TOM1: variants seen among roughly 807,000 people sequenced by gnomAD.
TOM1 encodes target of Myb protein 1.
In TOM1, 38 loss-of-function variants were observed where a neutral mutation model predicts 61.3. The ratio of observed to expected loss-of-function variants is 0.62; its 90% CI spans 0.48 to 0.81. The LOEUF (loss-of-function observed/expected upper bound fraction) is 0.81, where lower values mean the gene tolerates loss of function less well. Among genes scored for constraint, TOM1 ranks in the 40% least tolerant of loss-of-function variants. TOM1 has a pLI of 0.00. For missense variants in TOM1, 591 were observed against 659.6 expected (o/e 0.90, Z 1.14); for synonymous variants, 270 against 268.8 (o/e 1.00, Z -0.04).
chr22:35,323,489 C>T lies in TOM1; in HGVS notation c.367-7C>T, dbSNP rs377489139. ...GTTACCGGCTGTGTCCCCTTGTCCCCTCTCAGTCCTGGGCTGACGCGTTCC... is the reference window on the plus strand; with the variant it reads ...GTTACCGGCTGTGTCCCCTTGTCCCTTCTCAGTCCTGGGCTGACGCGTTCC... On this transcript the variant is annotated splice_polypyrimidine_tract_variant and splice_region_variant and intron_variant, in intron 4 of 14. Coordinates refer to ENST00000449058, the MANE Select transcript of TOM1 (RefSeq NM_005488.3). The surrounding 1 kb of genome is among the most constrained non-coding windows in gnomAD (Gnocchi z 4.2). The T allele has an allele frequency of 9.3e-6, 15 of 1,613,842 alleles. No homozygotes were observed. Among genetic ancestry groups the T allele is most frequent in the African/African-American group, 1.3e-5 (1 of 74,914 alleles).
At chr22:35,305,841 A>C (rs988197027) in intron 1 of TOM1, among the ~76,000 whole-genome samples, 2 of 152,078 alleles carry the variant, frequency 1.3e-5, no homozygotes, top group Non-Finnish European at 2.9e-5. Context: ...CCACCACTGG[A>C]GCTGTGAAGG....
At chr22:35,327,225 C>A (rs1377956567) in intron 6 of TOM1, 46 bp from the exon 7 acceptor site, 2 of 1,568,746 alleles carry the variant, frequency 1.3e-6, no homozygotes, top group Non-Finnish European at 1.8e-6. Context: ...GTAACATGGG[C>A]CCCAGAACCC....
rs1281969818 is a variant in TOM1, at chr22:35,323,682, C to T, written c.501+52C>T. 1 of 1,611,314 alleles carries T rather than the reference C, an allele frequency of 6.2e-7. No homozygotes were observed. The stretch of plus-strand genomic sequence containing the variant: ...AAGGGAAGGGAGGCAGGACTCATCC[C>T]CAGAGACATCACCAGGCTGGCCCCT... On this transcript the variant is annotated intron_variant, in intron 5 of 14. Transcript: ENST00000449058. The surrounding 1 kb of genome is among the most constrained non-coding windows in gnomAD (Gnocchi z 4.2).
chr22:35,327,022 T>C (rs1312683084), intron 6 of TOM1, among the ~76,000 whole-genome samples: 2 of 152,140 alleles, frequency 1.3e-5, no homozygotes, highest in African/African-American at 2.4e-5. Flanking sequence ...CCACACGTGG[T>C]GGCTCATTCC....
intron 1 of TOM1, among the ~76,000 whole-genome samples, chr22:35,309,736 G>A (rs1185908069): frequency 1.3e-5 from 2 of 151,932 alleles, no homozygotes; most frequent in African/African-American, 2.4e-5. Flanking sequence ...AATTCGTTCA[G>A]TAGTGGCTTC....
At chr22:35,340,513 G>A (rs996899715) in intron 12 of TOM1, among the ~76,000 whole-genome samples, 3 of 151,916 alleles carry the variant, frequency 2.0e-5, no homozygotes, top group Non-Finnish European at 2.9e-5. Flanking sequence ...TTAGGAGGCC[G>A]AGGTGGGCAG....
chr22:35,322,729 T>C (rs1927910278), intron 3 of TOM1: 1 of 362,374 alleles, frequency 2.8e-6, no homozygotes, highest in Non-Finnish European at 5.0e-6. Context: ...GCCCCTTCTC[T>C]CTAGACCATG....
chr22:35,301,601 A>G (rs1339315163), intron 1 of TOM1, among the ~76,000 whole-genome samples: 1 of 152,162 alleles, frequency 6.6e-6, no homozygotes. Context: ...TTAAGATGAG[A>G]CATATTTTCC....
In TOM1 at chr22:35,341,459, G is replaced by C. The variant is rs139327284; in HGVS notation, c.1224+2671G>C. Among the ~76,000 whole-genome samples the C allele has an allele frequency of 2.4e-4, 36 of 152,306 alleles. No homozygotes were observed. In the East Asian group the frequency reaches 7.0e-3, roughly 29 times the overall value. ...GCTGTGAAAAGCCCTAAGGTGCAAA[G>C]GAGAGTGAGTGGAGGTGTGTGTCTC... is the stretch of plus-strand genomic sequence containing the variant. On this transcript the variant is annotated intron_variant, in intron 12 of 14. Transcript: ENST00000449058.
intron 11 of TOM1, among the ~76,000 whole-genome samples, chr22:35,337,929 G>A (rs755396669): frequency 1.5e-4 from 23 of 152,328 alleles, no homozygotes; most frequent in Non-Finnish European, 2.6e-4. Context: ...CCCCCACTGC[G>A]GCAGCTGGGA....
In TOM1 at chr22:35,324,489, A is replaced by C. The variant is rs1372232517; in HGVS notation, c.648+575A>C. On this transcript the variant is annotated intron_variant, in intron 6 of 14. Coordinates refer to ENST00000449058, the MANE Select transcript of TOM1 (RefSeq NM_005488.3). ...GAAAAGTTTTCAAACATCTGTGCAAAAAATAAAAAACATATGTACATTGTA... is the reference window on the plus strand; with the variant it reads ...GAAAAGTTTTCAAACATCTGTGCAACAAATAAAAAACATATGTACATTGTA... 8.5e-5 allele frequency among the ~76,000 whole-genome samples: 13 copies of C among 152,148 alleles called. No individual in the cohort carries two copies. The East Asian group carries it at 2.3e-3, about 27-fold the overall frequency.
At chr22:35,324,485 GC>G (rs1928142566) in intron 6 of TOM1, among the ~76,000 whole-genome samples, 1 of 150,956 alleles carries the variant, frequency 6.6e-6, no homozygotes, top group South Asian at 2.1e-4. Flanking sequence ...AAACATCTGT[GC>G]AAAAAATAAA....
intron 12 of TOM1, among the ~76,000 whole-genome samples, chr22:35,341,600 C>T (rs1362186380): frequency 2.0e-5 from 3 of 152,290 alleles, no homozygotes; most frequent in South Asian, 2.1e-4. Context: ...GAGGTTGACT[C>T]CACCACCCAG....
In TOM1 at chr22:35,330,403, G is replaced by T; in HGVS notation, c.822G>T (p.Gln274His). ...AGCGGGTCCTGGAGCTCATCCCTCAGATCGCCAATGAGCAGCTGACAGAGG... is the reference window on the plus strand; with the variant it reads ...AGCGGGTCCTGGAGCTCATCCCTCATATCGCCAATGAGCAGCTGACAGAGG... ...MQQRVLELIPQIANEQLTEEL... is the reference protein window; with the variant it reads ...MQQRVLELIPHIANEQLTEEL... Residue 274 changes from glutamine (Q) to histidine (H), a missense_variant, in exon 8 of 15, where the codon CAG (glutamine) becomes CAT (histidine). Coordinates refer to ENST00000449058, the MANE Select transcript of TOM1 (RefSeq NM_005488.3). 6.2e-7 allele frequency: 1 copy of T among 1,613,584 alleles called. No individual in the cohort carries two copies. The highest frequency in any genetic ancestry group is 8.5e-7 in the Non-Finnish European group (1 of 1,179,876).
chr22:35,299,826 C>G, upstream of TOM1: 1 of 1,368,444 alleles, frequency 7.3e-7, no homozygotes, highest in Non-Finnish European at 1.0e-6. Flanking sequence ...CCGCCCCGCC[C>G]ACGCCTCCTC....
At chr22:35,328,511 G>A (rs902692284) in intron 7 of TOM1, among the ~76,000 whole-genome samples, 3 of 152,346 alleles carry the variant, frequency 2.0e-5, no homozygotes, top group Admixed American at 2.0e-4. Flanking sequence ...TATATGGCTG[G>A]TAAGTAGCAG....
At chr22:35,322,977 CA>C in intron 3 of TOM1, 50 bp from the exon 4 acceptor site, 1 of 1,595,922 alleles carries the variant, frequency 6.3e-7, no homozygotes. Flanking sequence ...GGGTTCTGAG[CA>C]CCTCCTCTCC....
intron 1 of TOM1, among the ~76,000 whole-genome samples, chr22:35,312,069 G>A (rs571964905): frequency 1.1e-4 from 17 of 152,050 alleles, no homozygotes; most frequent in Admixed American, 8.5e-4. Context: ...CCTGGCCAAG[G>A]TGGTGAAACC....
At position 35,331,843 on chromosome 22, in the gene TOM1, G is replaced by A. The variant is rs1049077500; in HGVS notation, c.900-1138G>A. On this transcript the variant is annotated intron_variant, in intron 8 of 14. Coordinates refer to ENST00000449058, the MANE Select transcript of TOM1 (RefSeq NM_005488.3). ...GCAGAGGTTGCAATGAGCCGAGATC[G>A]CACCACTGCACTCCAGCCTAGGCGA... Among the ~76,000 whole-genome samples the A allele has an allele frequency of 9.9e-5, 15 of 151,720 alleles. 1 individual carries two copies. Among genetic ancestry groups the A allele is most frequent in the Middle Eastern group, 3.4e-3 (1 of 294 alleles).
Sources: allele counts gnomAD v4.1 joint callset (sites outside exome capture counted in the v4.1 genomes callset), GRCh38; gene constraint gnomAD v4.1.1; non-coding constraint Gnocchi (gnomAD v3.1); transcripts MANE v1.5; gene names NCBI Gene and HGNC (gene_info 2026-07-23, HGNC 2026-07-21).